The following WWP1 variants were observed in gnomAD, a reference collection of about 807,000 sequenced individuals.
WWP1 encodes the protein WW domain containing E3 ubiquitin protein ligase 1, also known as NEDD4-like E3 ubiquitin-protein ligase WWP1.
A neutral mutation model predicts 130.6 loss-of-function variants in WWP1; 49 were observed. The ratio of observed to expected loss-of-function variants is 0.38; its 90% CI spans 0.30 to 0.48. WWP1 has a LOEUF of 0.48. Among genes scored for constraint, WWP1 ranks in the 20% least tolerant of loss-of-function variants. The pLI, the probability that WWP1 is intolerant of heterozygous loss-of-function variation, is 0.99. For synonymous variants in WWP1, 332 were observed against 367.8 expected, an observed-to-expected ratio of 0.90 and a Z score of 1.11; for missense variants, 809 against 1,100.6, an observed-to-expected ratio of 0.74 and a Z score of 3.75.
At chr8:86,456,394 A>T (rs2130769090) in intron 21 of WWP1, among the ~76,000 whole-genome samples, 1 of 152,010 alleles carries the variant, frequency 6.6e-6, no homozygotes, top group East Asian at 1.9e-4. Context: ...AAACTCACGT[A>T]ACTCAATAAA....
In WWP1 at chr8:86,467,501, A is replaced by C. The variant is rs1318622161; in HGVS notation, c.*608A>C. The stretch of plus-strand genomic sequence containing the variant: ...GAAAATTTTTCTCTGTTACATCAGT[A>C]ATATTGTTAAAGTAATGGATAGAAC... On this transcript the variant is annotated 3_prime_UTR_variant, in exon 25 of 25. Transcript: ENST00000517970. The C allele has an allele frequency of 2.0e-5, 3 of 152,598 alleles. No individual in the cohort carries two copies. Among genetic ancestry groups the C allele is most frequent in the Non-Finnish European group, 4.4e-5 (3 of 68,040 alleles). The allele number at this position is 152,598 out of a possible 1,614,324, so 9.5% of individuals were successfully genotyped here.
At chr8:86,396,259 C>T (rs1271165985) in intron 5 of WWP1, among the ~76,000 whole-genome samples, 2 of 152,012 alleles carry the variant, frequency 1.3e-5, no homozygotes, top group African/African-American at 4.8e-5. Flanking sequence ...CCACCATGCC[C>T]AGCTAATTTT....
rs138395388 is a variant in WWP1 at position 86,349,110 on chromosome 8, C to T, written c.-115+6180C>T. 3.9e-4 allele frequency among the ~76,000 whole-genome samples: 59 copies of T among 152,292 alleles called. 1 individual carries two copies. Among genetic ancestry groups the T allele is most frequent in the African/African-American group, 1.4e-3 (57 of 41,550 alleles). ...AGTCTTGGCTCACTGCAACCTCCAC[C>T]TCCCAGGTTCAAGCAATTCTCCTGC... On this transcript the variant is annotated intron_variant, in intron 1 of 24. Transcript: ENST00000517970.
chr8:86,349,995 G>A (rs1822825359), intron 1 of WWP1, among the ~76,000 whole-genome samples: 2 of 152,076 alleles, frequency 1.3e-5, no homozygotes, highest in South Asian at 4.2e-4. Context: ...TGTCCCCCAC[G>A]CGCTCCAAGC....
chr8:86,354,953 A>C (rs947654770), intron 1 of WWP1, among the ~76,000 whole-genome samples: 1 of 152,042 alleles, frequency 6.6e-6, no homozygotes, highest in Non-Finnish European at 1.5e-5. Flanking sequence ...TTTTAAAAAA[A>C]CCCTCACAAT....
chr8:86,386,247 C>T (rs892668260), intron 5 of WWP1, among the ~76,000 whole-genome samples: 1 of 152,042 alleles, frequency 6.6e-6, no homozygotes. Context: ...CATTCTTTAA[C>T]ATAGGTGGAA....
At chr8:86,377,820 A>G (rs1824757913) in intron 3 of WWP1, among the ~76,000 whole-genome samples, 1 of 152,136 alleles carries the variant, frequency 6.6e-6, no homozygotes, top group Non-Finnish European at 1.5e-5. Context: ...TGTTGTATTC[A>G]TGTTTATAAT....
chr8:86,423,861 C>T (rs1286844903), intron 9 of WWP1, among the ~76,000 whole-genome samples: 1 of 145,986 alleles, frequency 6.8e-6, no homozygotes, highest in Non-Finnish European at 1.5e-5. Flanking sequence ...AGGCGCCCCC[C>T]ACCTCCCTCC....
intron 1 of WWP1, among the ~76,000 whole-genome samples, chr8:86,364,291 CAT>C (rs1823834617): frequency 6.6e-6 from 1 of 151,878 alleles, no homozygotes; most frequent in Admixed American, 6.6e-5. Flanking sequence ...GTAGGTGGGT[CAT>C]AGAATAATTT....
intron 5 of WWP1, among the ~76,000 whole-genome samples, chr8:86,390,107 G>A (rs1232112390): frequency 6.6e-6 from 1 of 151,044 alleles, no homozygotes; most frequent in East Asian, 2.0e-4. Flanking sequence ...GAGCGGCGGG[G>A]CAGAGGCGCT....
At chr8:86,352,979 A>G (rs768282811) in intron 1 of WWP1, among the ~76,000 whole-genome samples, 2 of 152,192 alleles carry the variant, frequency 1.3e-5, no homozygotes. Flanking sequence ...GTTATGATTC[A>G]TTATTAAATA....
intron 5 of WWP1, among the ~76,000 whole-genome samples, chr8:86,394,063 G>T (rs565017363): frequency 6.6e-6 from 1 of 152,328 alleles, no homozygotes; most frequent in Admixed American, 6.5e-5. Flanking sequence ...TGAGTTCTCG[G>T]CAATAATGAG....
intron 1 of WWP1, among the ~76,000 whole-genome samples, chr8:86,353,870 T>C (rs1367409254): frequency 1.3e-5 from 2 of 152,250 alleles, no homozygotes; most frequent in Non-Finnish European, 2.9e-5. Context: ...TTTTTGTCTA[T>C]GCCCTGTGAA....
chr8:86,429,172 AAG>A (rs1324654825), intron 11 of WWP1, among the ~76,000 whole-genome samples: 1 of 152,226 alleles, frequency 6.6e-6, no homozygotes, highest in African/African-American at 2.4e-5. Context: ...AAGAAAGAGA[AAG>A]AGGAATTGAA....
At chr8:86,390,294 G>T (rs112302273) in intron 5 of WWP1, among the ~76,000 whole-genome samples, 8,213 of 152,224 alleles carry the variant, frequency 0.054, 372 homozygotes, top group African/African-American at 0.12. Context: ...AGACGGGGTG[G>T]CGGCTGGGCA....
At chr8:86,453,423 C>T (rs1271110686) in intron 21 of WWP1, among the ~76,000 whole-genome samples, 3 of 152,196 alleles carry the variant, frequency 2.0e-5, no homozygotes, top group Non-Finnish European at 4.4e-5. Flanking sequence ...TACACTACCA[C>T]ATGGTATTAT....
intron 1 of WWP1, among the ~76,000 whole-genome samples, chr8:86,361,963 A>T (rs960123261): frequency 1.6e-4 from 22 of 134,040 alleles, no homozygotes; most frequent in South Asian, 4.7e-4. Context: ...AAATATGCCT[A>T]GTGTGTGTGT....
chr8:86,364,585 C>T (rs1284616060), intron 1 of WWP1, among the ~76,000 whole-genome samples: 4 of 151,934 alleles, frequency 2.6e-5, no homozygotes, highest in African/African-American at 4.8e-5. Context: ...GTGGGAGGCT[C>T]ACTTGAGCTA....
rs553432892 is a variant in WWP1 at position 86,375,146 on chromosome 8, C to T, written c.70+1026C>T. ...GAAAAAAAGGTAATTTAAAAAATTACCAAAAACAATAGGTCTACTCATTGC... is the reference window on the plus strand; with the variant it reads ...GAAAAAAAGGTAATTTAAAAAATTATCAAAAACAATAGGTCTACTCATTGC... On this transcript the variant is annotated intron_variant, in intron 3 of 24. Coordinates refer to ENST00000517970, the MANE Select transcript of WWP1 (RefSeq NM_007013.4). 2.0e-4 allele frequency among the ~76,000 whole-genome samples: 30 copies of T among 152,134 alleles called. No homozygotes were observed. The East Asian group carries it at 2.5e-3, about 13-fold the overall frequency.
Sources: allele counts gnomAD v4.1 joint callset (sites outside exome capture counted in the v4.1 genomes callset), GRCh38; gene constraint gnomAD v4.1.1; transcripts MANE v1.5; gene names NCBI Gene and HGNC (gene_info 2026-07-23, HGNC 2026-07-21).